EYA1: variants seen among roughly 807,000 people sequenced by gnomAD.
The protein encoded by EYA1 is EYA transcriptional coactivator and phosphatase 1.
Under a neutral mutation model 82.0 loss-of-function variants are expected in EYA1, and 16 were observed. That is an observed-to-expected ratio of 0.20 (90% confidence interval 0.13 to 0.30). EYA1 has a LOEUF of 0.30. Ranked by LOEUF, EYA1 falls within the 10% of genes least tolerant of loss-of-function variation. EYA1 has a pLI of 1.00. For missense variants in EYA1, 633 were observed against 730.7 expected (o/e 0.87, Z 1.54); for synonymous variants, 261 against 264.4 (o/e 0.99, Z 0.12).
intron 2 of EYA1, among the ~76,000 whole-genome samples, chr8:71,526,774 G>A (rs557617616): frequency 8.5e-5 from 13 of 152,094 alleles, no homozygotes; most frequent in Non-Finnish European, 1.5e-4. Flanking sequence ...CACTTCTGCT[G>A]TTTTTTTCTC....
intron 17 of EYA1, among the ~76,000 whole-genome samples, chr8:71,201,610 A>C (rs933470832): frequency 1.3e-5 from 2 of 152,164 alleles, no homozygotes; most frequent in African/African-American, 4.8e-5. Context: ...CTACTACACA[A>C]AGGTCACCAC....
At chr8:71,442,653 T>C (rs1366247565) in intron 2 of EYA1, among the ~76,000 whole-genome samples, 3 of 152,242 alleles carry the variant, frequency 2.0e-5, no homozygotes, top group African/African-American at 7.2e-5. Flanking sequence ...TTAGGTATTA[T>C]GGCAGGTACT....
At chr8:71,395,968 A>G (rs1829584696) in intron 2 of EYA1, among the ~76,000 whole-genome samples, 1 of 152,100 alleles carries the variant, frequency 6.6e-6, no homozygotes, top group Non-Finnish European at 1.5e-5. Context: ...TCAATTTAAG[A>G]ACCTGTAATT....
chr8:71,462,932 G>T (rs919065009), intron 2 of EYA1, among the ~76,000 whole-genome samples: 21 of 152,110 alleles, frequency 1.4e-4, no homozygotes, highest in Admixed American at 1.4e-3. Context: ...GGATATCCCC[G>T]CCACTGCCAT....
upstream of EYA1, chr8:71,362,166 T>TC (rs1827461526): frequency 1.0e-6 from 1 of 977,898 alleles, no homozygotes; most frequent in African/African-American, 1.8e-5. Flanking sequence ...TTTTTTTTTT[T>TC]TTTTTTTTTT....
intron 2 of EYA1, among the ~76,000 whole-genome samples, chr8:71,484,190 G>A (rs1199537116): frequency 6.6e-6 from 1 of 152,214 alleles, no homozygotes; most frequent in Non-Finnish European, 1.5e-5. Flanking sequence ...TGATGCTTGT[G>A]TCAGGGGGGT....
At chr8:71,292,896 G>A in intron 9 of EYA1, among the ~76,000 whole-genome samples, 1 of 151,688 alleles carries the variant, frequency 6.6e-6, no homozygotes, top group East Asian at 1.9e-4. Context: ...ACTATAAAAA[G>A]AAAAGCAAGT....
chr8:71,264,391 CA>C (rs548470715), intron 11 of EYA1, among the ~76,000 whole-genome samples: 20 of 152,228 alleles, frequency 1.3e-4, no homozygotes, highest in South Asian at 1.0e-3. Context: ...AACACACCCA[CA>C]AGGGAGGCTG....
rs776352141 is a variant in EYA1, at chr8:71,334,141, G to A, written c.158C>T (p.Ala53Val). The A allele has an allele frequency of 1.1e-5, 17 of 1,613,650 alleles. No homozygotes were observed. The Middle Eastern group carries it at 5.0e-4, about 47-fold the overall frequency. The change falls in exon 4 of 18, where the codon GCT becomes GTT. Residue 53 changes from alanine to valine, a missense_variant. Ala to Val is a moderately conservative substitution (Grantham distance 64, BLOSUM62 0). Coordinates refer to ENST00000340726, the MANE Select transcript of EYA1 (RefSeq NM_000503.6). ...TAAAGACCCGTCGGCTGTCGTTGAA[G>A]CTGTTTCACTGCTGCTCATTGGCTC... ...KTEPMSSSET[A>V]STTADGSLNN...
chr8:71,454,354 C>G (rs1044725109), intron 2 of EYA1, among the ~76,000 whole-genome samples: 1 of 152,148 alleles, frequency 6.6e-6, no homozygotes, highest in Non-Finnish European at 1.5e-5. Context: ...CAACATTAGA[C>G]AGATCAATGA....
chr8:71,205,608 G>C lies in EYA1; in HGVS notation c.1698+5548C>G, dbSNP rs11996886. Among the ~76,000 whole-genome samples, 1,008 of 152,260 alleles carry C rather than the reference G, an allele frequency of 6.6e-3. 11 individuals carry two copies. Among genetic ancestry groups the C allele is most frequent in the African/African-American group, 0.023 (952 of 41,536 alleles). On this transcript the variant is annotated intron_variant, in intron 17 of 17. Transcript: ENST00000340726. ...TATTTCTAACTTCTTCTCTTTGAAGGAGGTACTTTTTATGATGCAAATTAT... is the reference window on the plus strand; with the variant it reads ...TATTTCTAACTTCTTCTCTTTGAAGCAGGTACTTTTTATGATGCAAATTAT...
intron 11 of EYA1, among the ~76,000 whole-genome samples, chr8:71,267,813 G>C (rs1261443196): frequency 6.6e-6 from 1 of 152,178 alleles, no homozygotes; most frequent in East Asian, 1.9e-4. Flanking sequence ...CTCCCAAAGT[G>C]CTGGGATTAC....
At chr8:71,203,085 A>G (rs1220049995) in intron 17 of EYA1, among the ~76,000 whole-genome samples, 2 of 152,204 alleles carry the variant, frequency 1.3e-5, no homozygotes, top group African/African-American at 4.8e-5. Flanking sequence ...GGCAAAAGAG[A>G]AAAAGAAAAA....
chr8:71,431,235 G>A (rs1805596382), intron 2 of EYA1, among the ~76,000 whole-genome samples: 3 of 152,182 alleles, frequency 2.0e-5, no homozygotes, highest in Admixed American at 2.0e-4. Flanking sequence ...CTGGTTAGGG[G>A]AGAAGAGTAA....
intron 2 of EYA1, among the ~76,000 whole-genome samples, chr8:71,454,846 C>T (rs1299016441): frequency 3.9e-5 from 6 of 152,152 alleles, no homozygotes; most frequent in Non-Finnish European, 8.8e-5. Context: ...ACTGTGACAT[C>T]ACAATTAAAA....
At position 71,303,403 on chromosome 8, in the gene EYA1, A is replaced by T. The variant is rs1294643435; in HGVS notation, c.557-3683T>A. Among the ~76,000 whole-genome samples the T allele has an allele frequency of 1.4e-5, 2 of 142,532 alleles. 1 individual carries two copies. The highest frequency in any genetic ancestry group is 5.0e-5 in the African/African-American group (2 of 40,302). The allele number at this position is 142,532 out of a possible 152,430, so 93.5% of individuals were successfully genotyped here. ...TTGACCTGTAAACTAACAAATACTAATTATATGTAAACTAGTCCTTCCCCT... is the reference window on the plus strand; with the variant it reads ...TTGACCTGTAAACTAACAAATACTATTTATATGTAAACTAGTCCTTCCCCT... On this transcript the variant is annotated intron_variant, in intron 7 of 17. Transcript: ENST00000340726.
At chr8:71,249,626 C>A (rs1585995513) in intron 11 of EYA1, among the ~76,000 whole-genome samples, 1 of 152,222 alleles carries the variant, frequency 6.6e-6, no homozygotes, top group Non-Finnish European at 1.5e-5. Context: ...ACAGCAAAAC[C>A]ATATCAATGA....
intron 7 of EYA1, among the ~76,000 whole-genome samples, chr8:71,307,236 T>G (rs576706676): frequency 6.6e-6 from 1 of 151,990 alleles, no homozygotes; most frequent in East Asian, 1.9e-4. Flanking sequence ...AAATAATAAT[T>G]GAGCTTATTT....
At chr8:71,321,683 T>C (rs1201906031) in intron 6 of EYA1, 51 bp downstream of exon 6, 4 of 1,600,540 alleles carry the variant, frequency 2.5e-6, no homozygotes, top group Non-Finnish European at 2.6e-6. Flanking sequence ...AACATGTTAA[T>C]ACACGCATGC....
Sources: allele counts gnomAD v4.1 joint callset (sites outside exome capture counted in the v4.1 genomes callset), GRCh38; gene constraint gnomAD v4.1.1; transcripts MANE v1.5; gene names NCBI Gene and HGNC (gene_info 2026-07-23, HGNC 2026-07-21).